Variants in TCERG1L observed in about 807,000 individuals in gnomAD.
TCERG1L encodes the protein transcription elongation regulator 1 like.
Under a neutral mutation model 56.3 loss-of-function variants are expected in TCERG1L, and 37 were observed. The ratio of observed to expected loss-of-function variants is 0.66; its 90% CI spans 0.51 to 0.87. The LOEUF is 0.87. Among genes scored for constraint, TCERG1L ranks in the 40% least tolerant of loss-of-function variants. TCERG1L has a pLI of 0.00. For synonymous variants in TCERG1L, 324 were observed against 326.3 expected (o/e 0.99, Z 0.08); for missense variants, 799 against 774.2 (o/e 1.03, Z -0.38).
At position 131,239,471 on chromosome 10, in the gene TCERG1L, T is replaced by C. The variant is rs142089299; in HGVS notation, c.856+20788A>G. 6.1e-3 allele frequency among the ~76,000 whole-genome samples: 932 copies of C among 152,324 alleles called. 10 individuals carry two copies. The highest frequency in any genetic ancestry group is 0.02 in the African/African-American group (848 of 41,572). On this transcript the variant is annotated intron_variant, in intron 4 of 11. Coordinates refer to ENST00000368642, the MANE Select transcript of TCERG1L (RefSeq NM_174937.4). ...TATTTATTACCTCAAAGAAAGCTTT[T>C]TACAGATTTTGACAAGTGGTCAAAT...
intron 4 of TCERG1L, among the ~76,000 whole-genome samples, chr10:131,257,767 G>A (rs1350584344): frequency 1.3e-5 from 2 of 152,126 alleles, no homozygotes; most frequent in Non-Finnish European, 2.9e-5. Flanking sequence ...TAGTCACACT[G>A]CCAAATACCC....
chr10:131,283,245 C>T (rs192204240), intron 3 of TCERG1L, among the ~76,000 whole-genome samples: 1 of 152,342 alleles, frequency 6.6e-6, no homozygotes, highest in African/African-American at 2.4e-5. Flanking sequence ...AAGTCGACTT[C>T]TTTCCATTTC....
chr10:131,206,168 G>A (rs1363179413), intron 4 of TCERG1L, among the ~76,000 whole-genome samples: 1 of 152,242 alleles, frequency 6.6e-6, no homozygotes, highest in South Asian at 2.1e-4. Context: ...CATGGACAAC[G>A]AATGAACTGC....
At chr10:131,152,286 A>T (rs747589475) in intron 6 of TCERG1L, among the ~76,000 whole-genome samples, 1 of 152,138 alleles carries the variant, frequency 6.6e-6, no homozygotes, top group Non-Finnish European at 1.5e-5. Context: ...CTTCCACCAG[A>T]CACCCTAAAT....
chr10:131,109,069 G>T (rs983132320), intron 9 of TCERG1L, among the ~76,000 whole-genome samples: 1 of 150,602 alleles, frequency 6.6e-6, no homozygotes, highest in Non-Finnish European at 1.5e-5. Context: ...ACAGTGTTGT[G>T]GGGTGGGGGG....
intron 4 of TCERG1L, among the ~76,000 whole-genome samples, chr10:131,236,413 T>G (rs1845913252): frequency 6.6e-6 from 1 of 152,142 alleles, no homozygotes; most frequent in Non-Finnish European, 1.5e-5. Flanking sequence ...CATGCTGACA[T>G]TCCAGGGCCA....
intron 3 of TCERG1L, among the ~76,000 whole-genome samples, chr10:131,272,098 G>A (rs577244215): frequency 2.1e-4 from 32 of 152,250 alleles, no homozygotes; most frequent in African/African-American, 6.3e-4. Flanking sequence ...GGTGGGCAGC[G>A]GCGGAATGAG....
chr10:131,107,543 T>C (rs527915804), intron 9 of TCERG1L, among the ~76,000 whole-genome samples: 6 of 152,116 alleles, frequency 3.9e-5, no homozygotes, highest in African/African-American at 1.2e-4. Flanking sequence ...CGCACAGCCA[T>C]GTGTGAAACA....
At chr10:131,282,289 T>C (rs1846468037) in intron 3 of TCERG1L, among the ~76,000 whole-genome samples, 1 of 140,256 alleles carries the variant, frequency 7.1e-6, no homozygotes, top group Non-Finnish European at 1.6e-5. Flanking sequence ...TGAAGTCACA[T>C]TTTCAGGAAT....
chr10:131,300,332 C>G (rs187330585), intron 3 of TCERG1L, among the ~76,000 whole-genome samples: 2 of 152,116 alleles, frequency 1.3e-5, no homozygotes, highest in Non-Finnish European at 2.9e-5. Context: ...CTATCTTCTA[C>G]GTATTCTCTC....
chr10:131,302,720 T>C (rs1167532385), intron 3 of TCERG1L, among the ~76,000 whole-genome samples: 2 of 151,706 alleles, frequency 1.3e-5, no homozygotes, highest in African/African-American at 4.9e-5. Flanking sequence ...GGTGATTTGC[T>C]GTACCCATCA....
intron 4 of TCERG1L, among the ~76,000 whole-genome samples, chr10:131,236,005 G>A (rs369741157): frequency 1.2e-4 from 18 of 152,322 alleles, no homozygotes; most frequent in African/African-American, 4.3e-4. Flanking sequence ...CCCGCTACAT[G>A]AGCAAATGCA....
At chr10:131,219,452 G>C (rs1845706555) in intron 4 of TCERG1L, among the ~76,000 whole-genome samples, 1 of 152,214 alleles carries the variant, frequency 6.6e-6, no homozygotes, top group South Asian at 2.1e-4. Context: ...GGGATGCCAG[G>C]CTGTGGGTGG....
intron 4 of TCERG1L, among the ~76,000 whole-genome samples, chr10:131,189,217 C>T (rs543538537): frequency 3.0e-4 from 45 of 152,094 alleles, no homozygotes; most frequent in Non-Finnish European, 6.5e-4. Flanking sequence ...GGCACAAGTG[C>T]AATTTTATGA....
intron 4 of TCERG1L, among the ~76,000 whole-genome samples, chr10:131,199,492 T>C (rs895987458): frequency 3.9e-5 from 6 of 152,214 alleles, no homozygotes; most frequent in Non-Finnish European, 5.9e-5. Flanking sequence ...CACCCAGTTC[T>C]TGGCCACATT....
intron 3 of TCERG1L, among the ~76,000 whole-genome samples, chr10:131,273,321 C>T (rs1846358337): frequency 1.3e-5 from 2 of 152,094 alleles, no homozygotes; most frequent in Non-Finnish European, 2.9e-5. Context: ...TTTGGGGGCT[C>T]GGGCACATCC....
intron 3 of TCERG1L, among the ~76,000 whole-genome samples, chr10:131,278,236 C>A (rs72849462): frequency 0.019 from 2,887 of 152,174 alleles, 47 homozygotes; most frequent in Middle Eastern, 0.041. Flanking sequence ...GTTTCCTCAC[C>A]TGTAAAATGG....
At chr10:131,218,880 C>G (rs539238473) in intron 4 of TCERG1L, among the ~76,000 whole-genome samples, 12 of 152,288 alleles carry the variant, frequency 7.9e-5, no homozygotes, top group Admixed American at 2.6e-4. Context: ...CCGTGCCCTG[C>G]TGTGACCTCT....
chr10:131,134,238 C>A lies in TCERG1L; in HGVS notation c.1259+141G>T. 7.7e-6 allele frequency: 6 copies of A among 781,552 alleles called. No individual in the cohort carries two copies. The South Asian group carries it at 1.1e-4, about 14-fold the overall frequency. The allele number at this position is 781,552 out of a possible 1,614,324, so 48.4% of individuals were successfully genotyped here. A position where few individuals can be genotyped will look rare whatever the true frequency, so the allele number is the denominator to read the frequency against. On this transcript the variant is annotated intron_variant, in intron 8 of 11. Coordinates refer to ENST00000368642, the MANE Select transcript of TCERG1L (RefSeq NM_174937.4). ...TGCCCAGGACACTGCTAAGACAGAA[C>A]CTGAAACCTCTTACCATCTGTCTAG...
Sources: gnomAD v4.1 joint callset for allele counts (sites outside exome capture counted in the v4.1 genomes callset) on GRCh38, gnomAD v4.1.1 for gene constraint, MANE v1.5 for transcripts, NCBI Gene and HGNC (gene_info 2026-07-23, HGNC 2026-07-21) for gene names.